The following CPVL variants were observed in gnomAD, a reference collection of about 807,000 sequenced individuals.
The protein encoded by CPVL is carboxypeptidase vitellogenic like.
In CPVL, 51 loss-of-function variants were observed where a neutral mutation model predicts 63.7. That is an observed-to-expected ratio of 0.80 (90% CI 0.64 to 1.01). The LOEUF (loss-of-function observed/expected upper bound fraction) is 1.01, where lower values mean the gene tolerates loss of function less well. Ranked by LOEUF, CPVL falls within the 50% of genes least tolerant of loss-of-function variation. The pLI, the probability that CPVL is intolerant of heterozygous loss-of-function variation, is 0.00. For missense variants in CPVL, 530 were observed against 573.1 expected, an observed-to-expected ratio of 0.92 and a Z score of 0.77; for synonymous variants, 195 against 206.0, an observed-to-expected ratio of 0.95 and a Z score of 0.46.
At chr7:29,097,223 A>AC (rs1425648787) in intron 3 of CPVL, among the ~76,000 whole-genome samples, 1 of 145,340 alleles carries the variant, frequency 6.9e-6, no homozygotes, top group East Asian at 1.9e-4. Flanking sequence ...TAGTGTCAAT[A>AC]CCATCACCTT....
At chr7:29,111,412 C>T (rs1029309184) in intron 3 of CPVL, among the ~76,000 whole-genome samples, 1 of 152,178 alleles carries the variant, frequency 6.6e-6, no homozygotes, top group Non-Finnish European at 1.5e-5. Context: ...CTGGAGGGTG[C>T]TCAGGCTCCA....
chr7:29,095,537 C>T (rs1163917247), intron 4 of CPVL, among the ~76,000 whole-genome samples: 1 of 151,648 alleles, frequency 6.6e-6, no homozygotes, highest in Non-Finnish European at 1.5e-5. Context: ...AGCCTTTATA[C>T]TGAGTCACAA....
At chr7:29,070,988 C>T (rs1364276975) in intron 9 of CPVL, among the ~76,000 whole-genome samples, 2 of 151,974 alleles carry the variant, frequency 1.3e-5, no homozygotes, top group Non-Finnish European at 2.9e-5. Context: ...TTAAAGCCCT[C>T]GAAATTCAGA....
chr7:29,035,675 C>T (rs1301675831), intron 11 of CPVL, among the ~76,000 whole-genome samples: 2 of 152,186 alleles, frequency 1.3e-5, no homozygotes, highest in Non-Finnish European at 2.9e-5. Context: ...GTGCCTGGTA[C>T]CCCATAAAAC....
intron 12 of CPVL, among the ~76,000 whole-genome samples, chr7:28,997,085 G>A (rs536569637): frequency 2.0e-5 from 3 of 152,278 alleles, no homozygotes; most frequent in Non-Finnish European, 2.9e-5. Context: ...AGCCTCTAGC[G>A]TCAGCTAATA....
At position 29,000,551 on chromosome 7, in the gene CPVL, A is replaced by C. The variant is rs578053042; in HGVS notation, c.1321-4669T>G. Among the ~76,000 whole-genome samples the C allele has an allele frequency of 2.0e-5, 3 of 152,320 alleles. No individual in the cohort carries two copies. The East Asian group carries it at 5.8e-4, about 29-fold the overall frequency. On this transcript the variant is annotated intron_variant, in intron 12 of 12. Transcript: ENST00000265394. ...GGGCCGTGAAGCTGCGGGCGCATGCAGCAGTCTGTATGTCGTCCCATTCAT... is the reference window on the plus strand; with the variant it reads ...GGGCCGTGAAGCTGCGGGCGCATGCCGCAGTCTGTATGTCGTCCCATTCAT...
At chr7:29,002,783 G>T (rs1188726118) in intron 12 of CPVL, among the ~76,000 whole-genome samples, 1 of 150,570 alleles carries the variant, frequency 6.6e-6, no homozygotes, top group African/African-American at 2.4e-5. Context: ...GATTAGGCAT[G>T]CAGAAGAAAC....
chr7:29,024,039 T>C (rs1787258855), intron 12 of CPVL, among the ~76,000 whole-genome samples: 2 of 152,180 alleles, frequency 1.3e-5, no homozygotes, highest in Non-Finnish European at 2.9e-5. Context: ...ATAATAGTGT[T>C]ATTAAAGAAG....
At position 29,120,996 on chromosome 7, in the gene CPVL, C is replaced by T; in HGVS notation, c.66G>A (p.Gly22=). The T allele has an allele frequency of 1.9e-6, 3 of 1,613,414 alleles. No individual in the cohort carries two copies. Among genetic ancestry groups the T allele is most frequent in the Middle Eastern group, 1.7e-4 (1 of 6,060 alleles). Residue 22 remains glycine (G), a synonymous_variant, in exon 2 of 13, where the codon GGG becomes GGA. Coordinates refer to ENST00000265394, the MANE Select transcript of CPVL (RefSeq NM_031311.5). ...LVLLMPGPCD[G]LFRSLYRSVS... ...CACTTCTGTATAGGGAGCGAAACAG[C>T]CCATCACAGGGGCCAGGCATCAACA...
intron 9 of CPVL, among the ~76,000 whole-genome samples, chr7:29,069,672 A>C (rs1783524246): frequency 6.6e-6 from 1 of 152,082 alleles, no homozygotes; most frequent in African/African-American, 2.4e-5. Flanking sequence ...AAATGGGGGA[A>C]GCAATTCCAG....
chr7:29,165,224 A>C (rs570853838), intron 5 of CPVL, among the ~76,000 whole-genome samples: 106 of 151,448 alleles, frequency 7.0e-4, no homozygotes, highest in Non-Finnish European at 1.2e-3. Flanking sequence ...ACAATGTTTT[A>C]TGGTTTTTGA....
intron 1 of CPVL, chr7:29,195,010 G>A: frequency 6.3e-7 from 1 of 1,583,186 alleles, no homozygotes; most frequent in Non-Finnish European, 8.6e-7. Context: ...AGCCCGTCGG[G>A]CGCTGCTGCC....
intron 3 of CPVL, among the ~76,000 whole-genome samples, chr7:29,185,081 A>AT (rs914618920): frequency 6.6e-6 from 1 of 152,130 alleles, no homozygotes; most frequent in Non-Finnish European, 1.5e-5. Flanking sequence ...GTTGTGAGAT[A>AT]TTTTTTCTCC....
intron 4 of CPVL, 75 bp from the exon 5 acceptor site, chr7:29,095,217 C>T: frequency 8.7e-7 from 1 of 1,149,880 alleles, no homozygotes; most frequent in Non-Finnish European, 1.3e-6. Flanking sequence ...TGGTCAGAAG[C>T]CCAACACACC....
chr7:29,050,458 A>T (rs1469017006), intron 11 of CPVL, among the ~76,000 whole-genome samples: 1 of 152,106 alleles, frequency 6.6e-6, no homozygotes, highest in East Asian at 1.9e-4. Context: ...GAGGCAAAAG[A>T]CCTGGAGAAA....
chr7:29,176,918 C>T (rs1346341387), intron 5 of CPVL, among the ~76,000 whole-genome samples: 1 of 151,746 alleles, frequency 6.6e-6, no homozygotes, highest in East Asian at 1.9e-4. Flanking sequence ...TGTTAAAATG[C>T]CTAGGTTAAC....
At chr7:29,106,106 T>C (rs1787692569) in intron 3 of CPVL, among the ~76,000 whole-genome samples, 1 of 152,042 alleles carries the variant, frequency 6.6e-6, no homozygotes, top group Admixed American at 6.5e-5. Flanking sequence ...TCAACCATCC[T>C]TGGGTAAATA....
At chr7:29,036,678 A>G (rs926410776) in intron 11 of CPVL, among the ~76,000 whole-genome samples, 5 of 152,198 alleles carry the variant, frequency 3.3e-5, no homozygotes, top group Non-Finnish European at 7.4e-5. Flanking sequence ...AGGAACTTCT[A>G]ATTCTGAAGC....
intron 9 of CPVL, among the ~76,000 whole-genome samples, chr7:29,068,266 C>T (rs984067230): frequency 1.1e-4 from 16 of 152,120 alleles, no homozygotes; most frequent in Non-Finnish European, 2.2e-4. Context: ...CTGCCCACCT[C>T]GGCCTCCTAA....
Sources: allele counts gnomAD v4.1 joint callset (sites outside exome capture counted in the v4.1 genomes callset), GRCh38; gene constraint gnomAD v4.1.1; transcripts MANE v1.5; gene names NCBI Gene and HGNC (gene_info 2026-07-23, HGNC 2026-07-21).